Variants in STOM observed in about 807,000 individuals in gnomAD.
STOM encodes the protein erythrocyte band 7 integral membrane protein.
Under a neutral mutation model 30.6 loss-of-function variants are expected in STOM, and 25 were observed. That is an observed-to-expected ratio of 0.82 (90% CI 0.60 to 1.14). The LOEUF (loss-of-function observed/expected upper bound fraction) is 1.14. Ranked by LOEUF, STOM falls within the 50% of genes most tolerant of loss-of-function variation. The pLI is 0.00. For missense variants in STOM, 292 were observed against 365.2 expected (o/e 0.80, Z 1.63); for synonymous variants, 118 against 130.8 (o/e 0.90, Z 0.67).
chr9:121,343,168 T>A (rs1340137545), intron 6 of STOM, among the ~76,000 whole-genome samples: 1 of 152,244 alleles, frequency 6.6e-6, no homozygotes, highest in East Asian at 1.9e-4. Flanking sequence ...CTTTAATTCA[T>A]AATCCTAGAA....
At chr9:121,358,809 T>C (rs959736764) in intron 1 of STOM, among the ~76,000 whole-genome samples, 40 of 152,206 alleles carry the variant, frequency 2.6e-4, no homozygotes, top group African/African-American at 9.7e-4. Flanking sequence ...TTAAATCAAT[T>C]GCCTAAATTT....
Position 121,340,028 on chromosome 9 carries a change from T to A in STOM, c.*1174A>T. On this transcript the variant is annotated 3_prime_UTR_variant, in exon 7 of 7. Transcript: ENST00000286713. ...TTCCTGAAGTTATCTCTTAAAAAAGTATTTTAGTCCTTCAGCTATTCAAAT... is the reference window on the plus strand; with the variant it reads ...TTCCTGAAGTTATCTCTTAAAAAAGAATTTTAGTCCTTCAGCTATTCAAAT... The A allele has an allele frequency of 1.0e-6, 1 of 982,284 alleles. No individual in the cohort carries two copies. Among genetic ancestry groups the A allele is most frequent in the Non-Finnish European group, 1.2e-6 (1 of 826,366 alleles). 60.8% of individuals were successfully genotyped at this position (982,284 alleles called of 1,614,324 possible).
chr9:121,339,510 C>T lies in STOM; in HGVS notation c.*1692G>A, dbSNP rs1462043689. On this transcript the variant is annotated 3_prime_UTR_variant, in exon 7 of 7. Coordinates refer to ENST00000286713, the MANE Select transcript of STOM (RefSeq NM_004099.6). ...CTAAAATAAGCTTGAAATTGGGGTA[C>T]AGGGGAAGGGACATCCATTGGCTGG... is the stretch of plus-strand genomic sequence containing the variant. 2.4e-6 allele frequency: 3 copies of T among 1,224,922 alleles called. No individual in the cohort carries two copies. Among genetic ancestry groups the T allele is most frequent in the Non-Finnish European group, 3.1e-6 (3 of 983,558 alleles). The allele number at this position is 1,224,922 out of a possible 1,614,324, so 75.9% of individuals were successfully genotyped here. A position where few individuals can be genotyped will look rare whatever the true frequency, so the allele number is the denominator to read the frequency against.
intron 1 of STOM, among the ~76,000 whole-genome samples, chr9:121,359,354 T>G (rs560019713): frequency 1.6e-4 from 25 of 152,170 alleles, no homozygotes; most frequent in African/African-American, 2.7e-4. Context: ...GACTTGGTAG[T>G]TTTCTGATCC....
rs974783308 is a variant in STOM, at chr9:121,340,663, T to C, written c.*539A>G. The stretch of plus-strand genomic sequence containing the variant: ...TACTGGGGAGGCTGAGGCAGGAGAA[T>C]CTCTTGAACCCAGGAGGCGGAGGTT... On this transcript the variant is annotated 3_prime_UTR_variant, in exon 7 of 7. Coordinates refer to ENST00000286713, the MANE Select transcript of STOM (RefSeq NM_004099.6). 2.2e-5 allele frequency: 17 copies of C among 790,052 alleles called. No individual in the cohort carries two copies. Among genetic ancestry groups the C allele is most frequent in the Non-Finnish European group, 2.6e-5 (17 of 652,472 alleles). 48.9% of individuals were successfully genotyped at this position (790,052 alleles called of 1,614,324 possible). A position where few individuals can be genotyped will look rare whatever the true frequency, so the allele number is the denominator to read the frequency against.
rs1018800018 is a variant in STOM at position 121,341,020 on chromosome 9, A to G, written c.*182T>C. On this transcript the variant is annotated 3_prime_UTR_variant, in exon 7 of 7. Transcript: ENST00000286713. ...TTAAGACTAACAGATTACCTTATAT[A>G]AATCACCAATCTCTCAGTATTTACA... is the stretch of plus-strand genomic sequence containing the variant. 7.7e-6 allele frequency: 11 copies of G among 1,435,704 alleles called. No individual in the cohort carries two copies. The highest frequency in any genetic ancestry group is 9.1e-6 in the Non-Finnish European group (10 of 1,100,204). 88.9% of individuals were successfully genotyped at this position (1,435,704 alleles called of 1,614,324 possible). A position where few individuals can be genotyped will look rare whatever the true frequency, so the allele number is the denominator to read the frequency against.
intron 4 of STOM, among the ~76,000 whole-genome samples, chr9:121,351,942 GA>G (rs925753768): frequency 6.6e-5 from 10 of 151,664 alleles, no homozygotes; most frequent in African/African-American, 1.5e-4. Context: ...AAAACCTTAA[GA>G]AAAAAAATAA....
intron 6 of STOM, among the ~76,000 whole-genome samples, chr9:121,341,727 G>C (rs2064248598): frequency 6.6e-6 from 1 of 152,146 alleles, no homozygotes; most frequent in Non-Finnish European, 1.5e-5. Context: ...ATGACTGCAG[G>C]CAAATCCTTT....
chr9:121,351,383 T>A (rs1033626207), intron 4 of STOM, among the ~76,000 whole-genome samples: 2 of 152,222 alleles, frequency 1.3e-5, no homozygotes, highest in Non-Finnish European at 1.5e-5. Context: ...GATTATAAAG[T>A]CTGACCCCAC....
At chr9:121,357,803 T>C (rs1352297034) in intron 1 of STOM, among the ~76,000 whole-genome samples, 1 of 152,206 alleles carries the variant, frequency 6.6e-6, no homozygotes, top group Non-Finnish European at 1.5e-5. Flanking sequence ...TCCCTGTAGC[T>C]ATTCTCTTTC....
At chr9:121,363,278 A>C (rs763024037) in intron 1 of STOM, among the ~76,000 whole-genome samples, 22 of 152,214 alleles carry the variant, frequency 1.4e-4, no homozygotes, top group Non-Finnish European at 2.9e-4. Flanking sequence ...TTTAGTCTCA[A>C]AAACACATGC....
intron 6 of STOM, among the ~76,000 whole-genome samples, chr9:121,344,652 AT>A (rs1339419547): frequency 6.6e-6 from 1 of 152,210 alleles, no homozygotes; most frequent in Non-Finnish European, 1.5e-5. Flanking sequence ...ATAGAACATC[AT>A]TTTAAAGTCT....
chr9:121,365,233 TG>T (rs2064491643), intron 1 of STOM, among the ~76,000 whole-genome samples: 1 of 152,080 alleles, frequency 6.6e-6, no homozygotes, highest in Non-Finnish European at 1.5e-5. Context: ...CCCAAGCAGT[TG>T]TCAACTGCTT....
intron 4 of STOM, 100 bp from the exon 5 acceptor site, chr9:121,349,423 T>C: frequency 3.1e-6 from 3 of 980,684 alleles, no homozygotes; most frequent in South Asian, 3.3e-5. Context: ...CACTAGCTGA[T>C]TTTCTTTAGT....
chr9:121,367,146 T>C (rs1308491563), intron 1 of STOM, among the ~76,000 whole-genome samples: 1 of 152,076 alleles, frequency 6.6e-6, no homozygotes, highest in Admixed American at 6.6e-5. Context: ...TGTTATGTAA[T>C]AAACATTATG....
Position 121,339,835 on chromosome 9 carries a change from C to T in STOM, c.*1367G>A. ...AATGACTAGGTAAATTTAAAAAGAC[C>T]TACATCTATATAGATATTGTAAGTT... On this transcript the variant is annotated 3_prime_UTR_variant, in exon 7 of 7. Coordinates refer to ENST00000286713, the MANE Select transcript of STOM (RefSeq NM_004099.6). 1 of 1,191,064 alleles carries T rather than the reference C, an allele frequency of 8.4e-7. No homozygotes were observed. Among genetic ancestry groups the T allele is most frequent in the Non-Finnish European group, 1.0e-6 (1 of 962,806 alleles). 73.8% of individuals were successfully genotyped at this position (1,191,064 alleles called of 1,614,324 possible). A position where few individuals can be genotyped will look rare whatever the true frequency, so the allele number is the denominator to read the frequency against.
At position 121,339,955 on chromosome 9, in the gene STOM, TCA is replaced by T. The variant is rs1448558210; in HGVS notation, c.*1245_*1246del. Reference sequence around the variant, plus strand: ...TGAATGGGTTTGTAATCAACATATTTCACAGTGTACCACAGTTAACAGCATGC... The same window carrying T: ...TGAATGGGTTTGTAATCAACATATTTCAGTGTACCACAGTTAACAGCATGC... On this transcript the variant is annotated 3_prime_UTR_variant, in exon 7 of 7. Coordinates refer to ENST00000286713, the MANE Select transcript of STOM (RefSeq NM_004099.6). 8 of 1,027,020 alleles carry T rather than the reference TCA, an allele frequency of 7.8e-6. No individual in the cohort carries two copies. The highest frequency in any genetic ancestry group is 9.3e-6 in the Non-Finnish European group (8 of 857,870). 63.6% of individuals were successfully genotyped at this position (1,027,020 alleles called of 1,614,324 possible). A position where few individuals can be genotyped will look rare whatever the true frequency, so the allele number is the denominator to read the frequency against.
Position 121,339,505 on chromosome 9 carries a change from G to C in STOM, c.*1697C>G, listed in dbSNP as rs1410034216. 62 of 1,220,940 alleles carry C rather than the reference G, an allele frequency of 5.1e-5. No homozygotes were observed. Among genetic ancestry groups the C allele is most frequent in the Non-Finnish European group, 6.0e-5 (59 of 980,042 alleles). The allele number at this position is 1,220,940 out of a possible 1,614,324, so 75.6% of individuals were successfully genotyped here. A position where few individuals can be genotyped will look rare whatever the true frequency, so the allele number is the denominator to read the frequency against. Reference sequence around the variant, plus strand: ...GCTTCCTAAAATAAGCTTGAAATTGGGGTACAGGGGAAGGGACATCCATTG... The same window carrying C: ...GCTTCCTAAAATAAGCTTGAAATTGCGGTACAGGGGAAGGGACATCCATTG... On this transcript the variant is annotated 3_prime_UTR_variant, in exon 7 of 7. Transcript: ENST00000286713.
In STOM at chr9:121,355,995, G is replaced by A. The variant is rs77479903; in HGVS notation, c.165+58C>T. The A allele has an allele frequency of 2.3e-4, 301 of 1,325,044 alleles. No individual in the cohort carries two copies. The African/African-American group carries it at 3.8e-3, about 17-fold the overall frequency. 82.1% of individuals were successfully genotyped at this position (1,325,044 alleles called of 1,614,324 possible). ...TCACATACACACAGGCACACACGAA[G>A]TAGGTTTATGGAGGTAGGAGTTGAC... On this transcript the variant is annotated intron_variant, in intron 2 of 6. Transcript: ENST00000286713.
Sources: gnomAD v4.1 joint callset for allele counts (sites outside exome capture counted in the v4.1 genomes callset) on GRCh38, gnomAD v4.1.1 for gene constraint, MANE v1.5 for transcripts, NCBI Gene and HGNC (gene_info 2026-07-23, HGNC 2026-07-21) for gene names.